The following LARGE1 variants were observed in gnomAD, a reference collection of about 807,000 sequenced individuals.
The protein encoded by LARGE1 is LARGE xylosyl- and glucuronyltransferase 1.
Under a neutral mutation model 87.6 loss-of-function variants are expected in LARGE1, and 43 were observed. The observed-to-expected ratio is 0.49, with a 90% CI of 0.38 to 0.63. The LOEUF is 0.63. LARGE1 is among the 30% of genes least tolerant of loss of function. The probability of loss-of-function intolerance (pLI) is 0.00; values close to 1 mark genes in which losing one functional copy is unlikely to be tolerated. For missense variants in LARGE1, 802 were observed against 1,000.2 expected, an observed-to-expected ratio of 0.80 and a Z score of 2.67; for synonymous variants, 434 against 394.6, an observed-to-expected ratio of 1.10 and a Z score of -1.18.
chr22:33,629,866 G>A (rs1050854897), intron 3 of LARGE1, among the ~76,000 whole-genome samples: 16 of 152,022 alleles, frequency 1.1e-4, no homozygotes, highest in Admixed American at 9.2e-4. Flanking sequence ...TCAAGAGTTC[G>A]AGACCCGCCT....
In LARGE1 at chr22:33,382,579, C is replaced by A. The variant is rs567842221; in HGVS notation, c.1006-535G>T. On this transcript the variant is annotated intron_variant, in intron 8 of 14. Transcript: ENST00000397394. ...CAGCCCATGGTGCCCAGGATACGCA[C>A]TCCCCGTTTCAAAATCCAACCCTGA... Among the ~76,000 whole-genome samples, 228 of 152,304 alleles carry A rather than the reference C, an allele frequency of 1.5e-3. 1 individual carries two copies. Among genetic ancestry groups the A allele is most frequent in the African/African-American group, 5.1e-3 (211 of 41,566 alleles).
chr22:33,304,430 G>A lies in LARGE1; in HGVS notation c.1529C>T (p.Ala510Val). The A allele has an allele frequency of 6.2e-7, 1 of 1,614,188 alleles. No homozygotes were observed. The highest frequency in any genetic ancestry group is 2.2e-5 in the East Asian group (1 of 44,884). Residue 510 changes from alanine to valine, a missense_variant, in exon 12 of 15, where the codon GCC becomes GTC. Transcript: ENST00000397394. Reference protein sequence around the residue: ...SLALYLSDAEAQQFLRYAQGS... With the variant: ...SLALYLSDAEVQQFLRYAQGS... ...CTGTGCGTAGCGGAGGAACTGCTGG[G>A]CCTCGGCGTCTGACAGGTAGAGGGC...
intron 11 of LARGE1, among the ~76,000 whole-genome samples, chr22:33,266,695 A>G (rs1927963894): frequency 6.6e-6 from 1 of 151,674 alleles, no homozygotes. Flanking sequence ...ACGCTAACTG[A>G]GCAGGGAACA....
chr22:33,502,898 ATGCTC>A (rs72289791), intron 6 of LARGE1, among the ~76,000 whole-genome samples: 23,589 of 151,960 alleles, frequency 0.16, 2,282 homozygotes, highest in East Asian at 0.46. Context: ...AGTCCCTGCT[ATGCTC>A]TAGGCCTCGT....
At chr22:33,776,088 A>G (rs2085228160) in intron 1 of LARGE1, among the ~76,000 whole-genome samples, 1 of 152,204 alleles carries the variant, frequency 6.6e-6, no homozygotes, top group African/African-American at 2.4e-5. Context: ...AAGCACATGC[A>G]CAAAAGATGA....
chr22:33,533,234 A>G (rs2148586007), intron 6 of LARGE1, among the ~76,000 whole-genome samples: 1 of 152,252 alleles, frequency 6.6e-6, no homozygotes, highest in Non-Finnish European at 1.5e-5. Context: ...TTTTTTAGGT[A>G]CCTATAAAAA....
chr22:33,650,504 G>A lies in LARGE1; in HGVS notation c.271C>T (p.Pro91Ser), dbSNP rs752765035. 6.2e-7 allele frequency: 1 copy of A among 1,613,412 alleles called. No individual in the cohort carries two copies. The highest frequency in any genetic ancestry group is 8.5e-7 in the Non-Finnish European group (1 of 1,180,032). The change falls in exon 3 of 15, where the codon CCA (proline) becomes TCA (serine). Residue 91 changes from proline to serine, a missense_variant. Coordinates refer to ENST00000397394, the MANE Select transcript of LARGE1 (RefSeq NM_133642.5). The part of the protein sequence containing the change: ...RQLSLAQGRA[P>S]SHRRGNHSKT... ...GAGTGGTTGCCTCGGCGATGGGATG[G>A]GGCTCGGCCCTGGGCCAGGCTGAGC...
At chr22:33,117,640 A>G in the LARGE1 span, among the ~76,000 whole-genome samples, 1 of 152,162 alleles carries the variant, frequency 6.6e-6, no homozygotes, top group Admixed American at 6.5e-5. Context: ...ATAGACAGGA[A>G]CATCAAGAAG....
rs540326663 is a variant in LARGE1 at position 33,449,974 on chromosome 22, T to C, written c.788-17709A>G. ...TTGCCCAAGCTGGAGTGCAGCAGTG[T>C]GATCTTGGCTCACTGCAACCTCCGC... On this transcript the variant is annotated intron_variant, in intron 6 of 14. Coordinates refer to ENST00000397394, the MANE Select transcript of LARGE1 (RefSeq NM_133642.5). Among the ~76,000 whole-genome samples, 367 of 152,204 alleles carry C rather than the reference T, an allele frequency of 2.4e-3. 1 individual carries two copies. Among genetic ancestry groups the C allele is most frequent in the Non-Finnish European group, 4.0e-3 (273 of 67,988 alleles).
chr22:33,921,074 G>C (rs906148614), upstream of LARGE1, among the ~76,000 whole-genome samples: 3 of 150,492 alleles, frequency 2.0e-5, no homozygotes, highest in Non-Finnish European at 4.5e-5. The surrounding 1 kb of genome is among the most constrained non-coding windows in gnomAD (Gnocchi z 4.1). Context: ...TCCGAGCGGG[G>C]GCGGGGCCGG....
intron 11 of LARGE1, among the ~76,000 whole-genome samples, chr22:33,239,541 T>C (rs1252942173): frequency 4.0e-4 from 55 of 137,014 alleles, no homozygotes; most frequent in African/African-American, 1.3e-3. Flanking sequence ...TTTTCTTTTT[T>C]TTTTTTTTTT....
chr22:33,214,678 A>C (rs1011635961), intron 11 of LARGE1, among the ~76,000 whole-genome samples: 3 of 152,052 alleles, frequency 2.0e-5, no homozygotes, highest in Non-Finnish European at 4.4e-5. Flanking sequence ...TCTCATACCT[A>C]CTTGGCTGAG....
At chr22:33,089,470 TTCTTCC>T in the LARGE1 span, among the ~76,000 whole-genome samples, 99 of 150,708 alleles carry the variant, frequency 6.6e-4, no homozygotes, top group African/African-American at 2.1e-3. Context: ...CTTCCTCTTC[TTCTTCC>T]TCTTCCTCTT....
chr22:33,473,810 T>G (rs2068960373), intron 6 of LARGE1, among the ~76,000 whole-genome samples: 1 of 152,080 alleles, frequency 6.6e-6, no homozygotes, highest in African/African-American at 2.4e-5. Flanking sequence ...AAATATTAAA[T>G]GAATGGGAGA....
intron 12 of LARGE1, among the ~76,000 whole-genome samples, chr22:33,283,611 C>G (rs1569011620): frequency 6.6e-6 from 1 of 152,020 alleles, no homozygotes; most frequent in Non-Finnish European, 1.5e-5. Flanking sequence ...CCCGTTTCCA[C>G]TAAAAATACA....
intron 3 of LARGE1, among the ~76,000 whole-genome samples, chr22:33,632,194 C>T (rs568648804): frequency 1.2e-4 from 19 of 152,152 alleles, no homozygotes; most frequent in Non-Finnish European, 2.2e-4. Flanking sequence ...ATGATCTCAG[C>T]TCTCTCCAAC....
At chr22:33,323,045 C>G (rs1555895787) in intron 10 of LARGE1, among the ~76,000 whole-genome samples, 3 of 152,122 alleles carry the variant, frequency 2.0e-5, no homozygotes, top group Non-Finnish European at 2.9e-5. Flanking sequence ...TCGTTTGAAC[C>G]TGGGAGGGGA....
intron 7 of LARGE1, among the ~76,000 whole-genome samples, chr22:33,405,566 G>A (rs1312133045): frequency 6.6e-6 from 1 of 152,108 alleles, no homozygotes; most frequent in African/African-American, 2.4e-5. Flanking sequence ...TAGGTGGGGA[G>A]TGAAGATTTC....
intron 1 of LARGE1, among the ~76,000 whole-genome samples, chr22:33,864,098 C>T (rs952768207): frequency 9.2e-5 from 14 of 152,168 alleles, no homozygotes; most frequent in African/African-American, 3.4e-4. Context: ...TGTACAGAAC[C>T]TACCAGGCAG....
Sources: allele counts gnomAD v4.1 joint callset (sites outside exome capture counted in the v4.1 genomes callset), GRCh38; gene constraint gnomAD v4.1.1; non-coding constraint Gnocchi (gnomAD v3.1); transcripts MANE v1.5; gene names NCBI Gene and HGNC (gene_info 2026-07-23, HGNC 2026-07-21).